Variants in METTL15 observed in about 807,000 individuals in gnomAD.
The protein encoded by METTL15 is methyltransferase 15, mitochondrial 12S rRNA N4-cytidine.
Under a neutral mutation model 38.3 loss-of-function variants are expected in METTL15, and 34 were observed. That is an observed-to-expected ratio of 0.89 (90% confidence interval 0.68 to 1.18). The LOEUF is 1.18. METTL15 is among the 50% of genes most tolerant of loss of function. The pLI is 0.00. For synonymous variants in METTL15, 162 were observed against 170.9 expected (o/e 0.95, Z 0.41); for missense variants, 438 against 498.4 (o/e 0.88, Z 1.15).
At chr11:28,336,309 G>GTATT (rs1425206564), downstream of METTL15, among the ~76,000 whole-genome samples, 1 of 152,132 alleles carries the variant, frequency 6.6e-6, no homozygotes, top group Admixed American at 6.6e-5. Context: ...GTAAGAGAAA[G>GTATT]TATTTGTCCT....
intron 5 of METTL15, among the ~76,000 whole-genome samples, chr11:28,371,660 C>T (rs1289055729): frequency 6.6e-6 from 1 of 151,978 alleles, no homozygotes; most frequent in Non-Finnish European, 1.5e-5. Context: ...GTGTCTTCCT[C>T]AATTTACTTC....
intron 3 of METTL15, among the ~76,000 whole-genome samples, chr11:28,133,617 T>C (rs2097450549): frequency 6.6e-6 from 1 of 152,126 alleles, no homozygotes; most frequent in Admixed American, 6.6e-5. Context: ...TTCCATGCTG[T>C]CTTTTGGATT....
chr11:28,378,579 G>C lies in METTL15; in HGVS notation c.*358+16543G>C, dbSNP rs368232878. The stretch of plus-strand genomic sequence containing the variant: ...CTGGCACTCCCTAGTGAGATGAACC[G>C]GGTACCTCAGATGGAAATGCAGAAA... On this transcript the variant is annotated intron_variant and NMD_transcript_variant, in intron 5 of 7. Coordinates refer to the METTL15 transcript ENST00000532947. Among the ~76,000 whole-genome samples the C allele has an allele frequency of 3.4e-3, 520 of 152,200 alleles. 17 individuals carry two copies. In the East Asian group the frequency reaches 0.091, roughly 27 times the overall value.
intron 6 of METTL15, among the ~76,000 whole-genome samples, chr11:28,488,197 A>G (rs950902740): frequency 6.6e-6 from 1 of 152,162 alleles, no homozygotes; most frequent in African/African-American, 2.4e-5. Flanking sequence ...CAGTAACAAG[A>G]CCAATTAAAG....
chr11:28,179,506 A>C (rs935215406), intron 3 of METTL15, among the ~76,000 whole-genome samples: 1 of 151,790 alleles, frequency 6.6e-6, no homozygotes, highest in African/African-American at 2.4e-5. Flanking sequence ...TTGTTTTTGA[A>C]TTTCATTCAC....
intron 3 of METTL15, among the ~76,000 whole-genome samples, chr11:28,129,252 T>A (rs1480762410): frequency 6.6e-6 from 1 of 152,210 alleles, no homozygotes; most frequent in African/African-American, 2.4e-5. Context: ...TCTTGAATAT[T>A]TGAAATTGTT....
chr11:28,422,203 G>T (rs1850826400), intron 5 of METTL15, among the ~76,000 whole-genome samples: 1 of 151,770 alleles, frequency 6.6e-6, no homozygotes, highest in South Asian at 2.1e-4. Flanking sequence ...TACAAAAAAT[G>T]GAAGCTATTA....
At chr11:28,198,787 G>A (rs1852000332) in intron 3 of METTL15, among the ~76,000 whole-genome samples, 1 of 152,078 alleles carries the variant, frequency 6.6e-6, no homozygotes, top group African/African-American at 2.4e-5. Flanking sequence ...ACAGTTACAT[G>A]TTCTAATTTA....
downstream of METTL15, among the ~76,000 whole-genome samples, chr11:28,334,210 C>T (rs1226634052): frequency 6.6e-6 from 1 of 151,996 alleles, no homozygotes; most frequent in Non-Finnish European, 1.5e-5. Context: ...TCTCTGTTCA[C>T]ATTGGTATGT....
At chr11:28,217,560 T>G (rs1257054205) in intron 4 of METTL15, among the ~76,000 whole-genome samples, 1 of 152,164 alleles carries the variant, frequency 6.6e-6, no homozygotes, top group Non-Finnish European at 1.5e-5. Context: ...CTCTTTAGTT[T>G]AATTAGATCC....
At chr11:28,363,787 G>A (rs1850162133) in intron 5 of METTL15, among the ~76,000 whole-genome samples, 1 of 152,078 alleles carries the variant, frequency 6.6e-6, no homozygotes, top group Non-Finnish European at 1.5e-5. Context: ...TATTTCCTAG[G>A]TTTTCTTCTG....
At chr11:28,479,444 C>G (rs1454773766) in intron 6 of METTL15, among the ~76,000 whole-genome samples, 1 of 151,916 alleles carries the variant, frequency 6.6e-6, no homozygotes, top group African/African-American at 2.4e-5. Flanking sequence ...GCTTTTTTTT[C>G]TGTAAGAGTT....
rs192864200 is a variant in METTL15 at position 28,196,105 on chromosome 11, C to T, written c.271-14957C>T. On this transcript the variant is annotated intron_variant, in intron 3 of 6. Transcript: ENST00000407364. ...ATCATGCTGTTTTGGTTACTATAGC[C>T]TTATAATATAATTGAAATTGAAGTA... 1.3e-4 allele frequency among the ~76,000 whole-genome samples: 20 copies of T among 152,060 alleles called. No homozygotes were observed. The East Asian group carries it at 3.7e-3, about 28-fold the overall frequency.
intron 4 of METTL15, among the ~76,000 whole-genome samples, chr11:28,241,681 G>A (rs1182531311): frequency 2.0e-5 from 3 of 152,124 alleles, no homozygotes; most frequent in African/African-American, 7.2e-5. Context: ...GAAGAGGTAC[G>A]GAGTTAGAAT....
intron 4 of METTL15, among the ~76,000 whole-genome samples, chr11:28,237,680 G>A (rs1260494917): frequency 6.6e-6 from 1 of 152,146 alleles, no homozygotes; most frequent in Non-Finnish European, 1.5e-5. Flanking sequence ...GAGGCGCTCT[G>A]TTTTTTAGAG....
chr11:28,506,531 C>G (rs1212811450), intron 6 of METTL15, among the ~76,000 whole-genome samples: 4 of 152,076 alleles, frequency 2.6e-5, no homozygotes, highest in Admixed American at 2.6e-4. Context: ...CATATTCTGT[C>G]CTATAAAAGA....
downstream of METTL15, among the ~76,000 whole-genome samples, chr11:28,335,883 C>T (rs1849896457): frequency 2.6e-5 from 4 of 152,088 alleles, no homozygotes; most frequent in South Asian, 8.3e-4. Flanking sequence ...TATAAATTAC[C>T]CAGCCTTGGG....
At chr11:28,497,067 A>G (rs1299724719) in intron 6 of METTL15, among the ~76,000 whole-genome samples, 1 of 152,240 alleles carries the variant, frequency 6.6e-6, no homozygotes, top group Non-Finnish European at 1.5e-5. Flanking sequence ...AACCTGGTTT[A>G]AGGATAAAGG....
At chr11:28,327,059 C>T (rs926345188) in intron 6 of METTL15, among the ~76,000 whole-genome samples, 2 of 152,094 alleles carry the variant, frequency 1.3e-5, no homozygotes, top group African/African-American at 4.8e-5. Flanking sequence ...AAGGATAGCC[C>T]TGGAAGTTTA....
Sources: gnomAD v4.1 joint callset for allele counts (sites outside exome capture counted in the v4.1 genomes callset) on GRCh38, gnomAD v4.1.1 for gene constraint, MANE v1.5 for transcripts, NCBI Gene and HGNC (gene_info 2026-07-23, HGNC 2026-07-21) for gene names.